Variants in ACSBG1 observed in about 807,000 individuals in gnomAD.
ACSBG1 encodes acyl-CoA synthetase bubblegum family member 1, also known as long-chain-fatty-acid--CoA ligase ACSBG1.
A neutral mutation model predicts 80.2 loss-of-function variants in ACSBG1; 39 were observed. The observed-to-expected ratio is 0.49, with a 90% confidence interval of 0.38 to 0.64. The LOEUF (loss-of-function observed/expected upper bound fraction) is 0.64. ACSBG1 is among the 30% of genes least tolerant of loss of function. ACSBG1 has a pLI of 0.00. For missense variants in ACSBG1, 828 were observed against 966.4 expected (o/e 0.86, Z 1.90); for synonymous variants, 392 against 379.5 (o/e 1.03, Z -0.38).
Position 78,194,034 on chromosome 15 carries a change from G to A in ACSBG1, c.454-14C>T, listed in dbSNP as rs777748478. 1.9e-6 allele frequency: 3 copies of A among 1,613,534 alleles called. No homozygotes were observed. Among genetic ancestry groups the A allele is most frequent in the Non-Finnish European group, 8.5e-7 (1 of 1,179,848 alleles). The stretch of plus-strand genomic sequence containing the variant: ...CTTCAGGCCGAGCTCCAGGTCAAAG[G>A]CAGACAGGCCAGGTCAGCCGGGCAG... On this transcript the variant is annotated splice_polypyrimidine_tract_variant and intron_variant, in intron 3 of 13. Coordinates refer to ENST00000258873, the MANE Select transcript of ACSBG1 (RefSeq NM_015162.5).
intron 1 of ACSBG1, among the ~76,000 whole-genome samples, chr15:78,226,802 A>ATAATATATATAAT (rs1555434840): frequency 2.8e-5 from 4 of 141,338 alleles, no homozygotes; most frequent in Non-Finnish European, 4.6e-5. Context: ...ATATATATAT[A>ATAATATATATAAT]ATATATATAT....
rs2074810466 is a variant in ACSBG1 at position 78,170,771 on chromosome 15, T to G, written c.*673A>C. ...TCACTCGCATGCCCGCTGTGCACAG[T>G]CCTGTGAGTTAAATGCCCACTACTC... On this transcript the variant is annotated 3_prime_UTR_variant, in exon 14 of 14. Coordinates refer to ENST00000258873, the MANE Select transcript of ACSBG1 (RefSeq NM_015162.5). The G allele has an allele frequency of 6.5e-6, 1 of 152,688 alleles. No homozygotes were observed. Among genetic ancestry groups the G allele is most frequent in the Admixed American group, 6.5e-5 (1 of 15,274 alleles). The allele number at this position is 152,688 out of a possible 1,614,324, so 9.5% of individuals were successfully genotyped here.
At position 78,168,919 on chromosome 15, in the gene ACSBG1, C is replaced by T; in HGVS notation, c.*2525G>A. The T allele has an allele frequency of 1.3e-6, 2 of 1,583,508 alleles. No individual in the cohort carries two copies. Among genetic ancestry groups the T allele is most frequent in the Non-Finnish European group, 1.7e-6 (2 of 1,156,362 alleles). Reference sequence around the variant, plus strand: ...TTTTATTTTTGCTTTTTCCTTTTCTCAGAGCTTGACAAAAGATTTGGGAGG... The same window carrying T: ...TTTTATTTTTGCTTTTTCCTTTTCTTAGAGCTTGACAAAAGATTTGGGAGG... On this transcript the variant is annotated 3_prime_UTR_variant, in exon 14 of 14. Transcript: ENST00000258873.
At chr15:78,187,419 T>C (rs2075014904) in intron 5 of ACSBG1, among the ~76,000 whole-genome samples, 1 of 151,962 alleles carries the variant, frequency 6.6e-6, no homozygotes, top group Non-Finnish European at 1.5e-5. Context: ...GATGCAAAAA[T>C]CCTCAATAAA....
chr15:78,186,085 C>T (rs914460737), intron 5 of ACSBG1, among the ~76,000 whole-genome samples: 1 of 152,146 alleles, frequency 6.6e-6, no homozygotes, highest in African/African-American at 2.4e-5. Flanking sequence ...GTATTGGGTG[C>T]ATATATGTTT....
intron 13 of ACSBG1, among the ~76,000 whole-genome samples, 155 bp downstream of exon 13, chr15:78,173,438 T>C (rs553461576): frequency 2.0e-4 from 30 of 148,680 alleles, no homozygotes; most frequent in Non-Finnish European, 3.6e-4. Context: ...CATGGAGCCA[T>C]CAATGTCCTC....
chr15:78,185,472 A>G (rs1207084346), intron 5 of ACSBG1, among the ~76,000 whole-genome samples: 1 of 152,216 alleles, frequency 6.6e-6, no homozygotes, highest in Non-Finnish European at 1.5e-5. Context: ...CCTTAAACAT[A>G]GCCTCAAAAT....
chr15:78,219,016 T>C (rs2075337419), intron 1 of ACSBG1, among the ~76,000 whole-genome samples: 1 of 152,126 alleles, frequency 6.6e-6, no homozygotes, highest in South Asian at 2.1e-4. Context: ...TCCACCACGT[T>C]GGCCAGGCTG....
intron 5 of ACSBG1, among the ~76,000 whole-genome samples, chr15:78,190,294 G>A (rs1277634662): frequency 2.9e-4 from 4 of 13,724 alleles, no homozygotes; most frequent in South Asian, 4.6e-3. Context: ...CTTCTATAGA[G>A]GTTATAAACC....
In ACSBG1 at chr15:78,180,677, T is replaced by C; in HGVS notation, c.1253+78A>G. The C allele has an allele frequency of 5.9e-6, 9 of 1,538,454 alleles. No homozygotes were observed. In the South Asian group the frequency reaches 1.1e-4, roughly 19 times the overall value. ...CACTGGAACCGGGACAGGCATGGCG[T>C]ATCAGACCCTCACTGTGTTTTGGGT... is the stretch of plus-strand genomic sequence containing the variant. On this transcript the variant is annotated intron_variant, in intron 9 of 13. Transcript: ENST00000258873.
At chr15:78,230,460 T>C (rs1206789850) in intron 1 of ACSBG1, among the ~76,000 whole-genome samples, 3 of 152,188 alleles carry the variant, frequency 2.0e-5, no homozygotes, top group Admixed American at 6.5e-5. Context: ...TCTCAGGCTA[T>C]GGAGGAATGC....
chr15:78,215,787 A>AAAGAAAGAAAGAAAGAAAGG (rs1567096485), intron 1 of ACSBG1, among the ~76,000 whole-genome samples: 2 of 127,818 alleles, frequency 1.6e-5, no homozygotes, highest in African/African-American at 6.4e-5. Context: ...AGAAAGAAAG[A>AAAGAAAGAAAGAAAGAAAGG]GAAAGAAAGA....
chr15:78,179,275 C>T (rs977243799), intron 10 of ACSBG1, among the ~76,000 whole-genome samples: 1 of 152,152 alleles, frequency 6.6e-6, no homozygotes, highest in Admixed American at 6.5e-5. Context: ...AAAACTGCTC[C>T]ATAGGTTCAG....
At chr15:78,232,761 T>TTCAA (rs2075457651) in intron 1 of ACSBG1, among the ~76,000 whole-genome samples, 1 of 151,886 alleles carries the variant, frequency 6.6e-6, no homozygotes, top group East Asian at 1.9e-4. Context: ...CTTGACTCAC[T>TTCAA]GCAATTTCCA....
chr15:78,215,764 AAGAAAGAAAGAAAGAAAGAAAG>A (rs1383018277), intron 1 of ACSBG1, among the ~76,000 whole-genome samples: 32 of 150,364 alleles, frequency 2.1e-4, no homozygotes, highest in African/African-American at 7.4e-4. Context: ...GAAAGAAAGA[AAGAAAGAAAGAAAGAAAGAAAG>A]AGAAAGAAAG....
intron 1 of ACSBG1, among the ~76,000 whole-genome samples, chr15:78,215,724 G>GAGAAAGATAGAA (rs2075302476): frequency 8.6e-6 from 1 of 116,554 alleles, no homozygotes; most frequent in Non-Finnish European, 1.8e-5. Flanking sequence ...AAGAAAGAAA[G>GAGAAAGATAGAA]AGAAAGAAAG....
chr15:78,193,676 C>T lies in ACSBG1; in HGVS notation c.543-50G>A, dbSNP rs1432741332. 3 of 1,572,762 alleles carry T rather than the reference C, an allele frequency of 1.9e-6. No homozygotes were observed. In the African/African-American group the frequency reaches 4.1e-5, roughly 21 times the overall value. On this transcript the variant is annotated intron_variant, in intron 4 of 13. Transcript: ENST00000258873. ...CCTTAGGGGAGGTGCAGAGGGGCCA[C>T]CCCCTTCCCCCACCCCCACATCTGT... is the stretch of plus-strand genomic sequence containing the variant.
At chr15:78,229,091 C>A (rs1429792155) in intron 1 of ACSBG1, among the ~76,000 whole-genome samples, 1 of 136,444 alleles carries the variant, frequency 7.3e-6, no homozygotes, top group East Asian at 2.1e-4. Flanking sequence ...TTTTTTTATT[C>A]ATTCATGGCA....
chr15:78,230,062 C>T (rs1410644352), intron 1 of ACSBG1, among the ~76,000 whole-genome samples: 1 of 152,222 alleles, frequency 6.6e-6, no homozygotes, highest in Non-Finnish European at 1.5e-5. Flanking sequence ...CCACAATGGG[C>T]TTCCTTAGGC....
Sources: gnomAD v4.1 joint callset for allele counts (sites outside exome capture counted in the v4.1 genomes callset) on GRCh38, gnomAD v4.1.1 for gene constraint, MANE v1.5 for transcripts, NCBI Gene and HGNC (gene_info 2026-07-23, HGNC 2026-07-21) for gene names.